ARPC5L: variants seen among roughly 807,000 people sequenced by gnomAD.
ARPC5L encodes actin related protein 2/3 complex subunit 5 like.
In ARPC5L, 4 loss-of-function variants were observed where a neutral mutation model predicts 16.9. That is an observed-to-expected ratio of 0.24 (90% CI 0.12 to 0.54). ARPC5L has a LOEUF of 0.54. Among genes scored for constraint, ARPC5L ranks in the 20% least tolerant of loss-of-function variants. The pLI, the probability that ARPC5L is intolerant of heterozygous loss-of-function variation, is 0.95. For synonymous variants in ARPC5L, 78 were observed against 82.6 expected, an observed-to-expected ratio of 0.94 and a Z score of 0.30; for missense variants, 151 against 201.9, an observed-to-expected ratio of 0.75 and a Z score of 1.53.
rs1034105199 is a variant in ARPC5L, at chr9:124,862,337, G to C, written c.-1045G>C. ...TGAGCTGGGCGCCAGTAGTCTGGGGGTGCTGACGGGAGGAGGGGCCAGAGT... is the reference window on the plus strand; with the variant it reads ...TGAGCTGGGCGCCAGTAGTCTGGGGCTGCTGACGGGAGGAGGGGCCAGAGT... On this transcript the variant is annotated 5_prime_UTR_variant, in exon 1 of 6. Coordinates refer to ENST00000353214, the MANE Select transcript of ARPC5L (RefSeq NM_030978.3). 1 of 174,440 alleles carries C rather than the reference G, an allele frequency of 5.7e-6. No homozygotes were observed. Among genetic ancestry groups the C allele is most frequent in the African/African-American group, 2.4e-5 (1 of 42,360 alleles). The allele number at this position is 174,440 out of a possible 1,614,324, so 10.8% of individuals were successfully genotyped here.
chr9:124,869,407 G>A lies in ARPC5L; in HGVS notation c.117G>A (p.Pro39=). The change falls in exon 3 of 6, where the codon CCG becomes CCA. Residue 39 remains proline, a synonymous_variant. Coordinates refer to ENST00000353214, the MANE Select transcript of ARPC5L (RefSeq NM_030978.3). The part of the protein sequence containing the change: ...EAAAAAAEPG[P]DPSEVDGLLR... Reference sequence around the variant, plus strand: ...CGGCGGCGGCGGCGGAGCCAGGCCCGGACCCGAGCGAGGTGGACGGGCTCC... The same window carrying A: ...CGGCGGCGGCGGCGGAGCCAGGCCCAGACCCGAGCGAGGTGGACGGGCTCC... 6.7e-7 allele frequency: 1 copy of A among 1,502,018 alleles called. No homozygotes were observed. Among genetic ancestry groups the A allele is most frequent in the Admixed American group, 2.2e-5 (1 of 45,314 alleles). The allele number at this position is 1,502,018 out of a possible 1,614,324, so 93.0% of individuals were successfully genotyped here.
chr9:124,874,942 C>T, intron 4 of ARPC5L, 33 bp from the exon 5 acceptor site: 1 of 1,612,430 alleles, frequency 6.2e-7, no homozygotes. Flanking sequence ...GCCTTCGCAG[C>T]TCTGGGACTC....
rs987362107 is a variant in ARPC5L, at chr9:124,864,121, T to C, written c.-864+14T>C. ...ACCCACACCAAGGTGAGGAAGGCTTTCAGGAGGTGGAGGGATATGGGGAAA... is the reference window on the plus strand; with the variant it reads ...ACCCACACCAAGGTGAGGAAGGCTTCCAGGAGGTGGAGGGATATGGGGAAA... On this transcript the variant is annotated intron_variant, in intron 2 of 5. Transcript: ENST00000353214. 3 of 152,074 alleles carry C rather than the reference T, an allele frequency of 2.0e-5. No homozygotes were observed. Among genetic ancestry groups the C allele is most frequent in the Admixed American group, 2.0e-4 (3 of 15,256 alleles). The allele number at this position is 152,074 out of a possible 1,614,324, so 9.4% of individuals were successfully genotyped here.
In ARPC5L at chr9:124,873,829, G is replaced by A. The variant is rs150389010; in HGVS notation, c.222+65G>A. The A allele has an allele frequency of 1.3e-4, 208 of 1,583,210 alleles. 1 individual carries two copies. The African/African-American group carries it at 2.5e-3, about 19-fold the overall frequency. On this transcript the variant is annotated intron_variant, in intron 4 of 5. Transcript: ENST00000353214. ...GACCAGGGCTGTGGGTGTCTGCCCAGTGCGAGTGTGAGCTTTCATCCACAT... is the reference window on the plus strand; with the variant it reads ...GACCAGGGCTGTGGGTGTCTGCCCAATGCGAGTGTGAGCTTTCATCCACAT...
At chr9:124,873,567 G>A (rs888173943) in intron 3 of ARPC5L, 125 bp from the exon 4 acceptor site, 29 of 1,079,886 alleles carry the variant, frequency 2.7e-5, no homozygotes, top group Admixed American at 9.6e-5. Flanking sequence ...CCTGGAAGCC[G>A]TGGAAGGTGG....
intron 3 of ARPC5L, among the ~76,000 whole-genome samples, chr9:124,872,080 CA>C (rs1267905136): frequency 6.6e-6 from 1 of 152,218 alleles, no homozygotes; most frequent in Non-Finnish European, 1.5e-5. Context: ...GGCCCTCACC[CA>C]TCAATGGGCC....
intron 1 of ARPC5L, among the ~76,000 whole-genome samples, chr9:124,862,688 C>T (rs537588076): frequency 4.4e-4 from 66 of 151,644 alleles, no homozygotes; most frequent in African/African-American, 1.6e-3. Flanking sequence ...CCACGCCTGG[C>T]TAATTTTTTG....
chr9:124,863,491 T>C (rs1288897729), intron 1 of ARPC5L, among the ~76,000 whole-genome samples: 1 of 152,214 alleles, frequency 6.6e-6, no homozygotes, highest in Non-Finnish European at 1.5e-5. Flanking sequence ...TTCAAATTCT[T>C]GCTCTGCTGC....
At chr9:124,867,640 A>C (rs1829289432) in intron 2 of ARPC5L, among the ~76,000 whole-genome samples, 2 of 152,030 alleles carry the variant, frequency 1.3e-5, no homozygotes, top group Non-Finnish European at 2.9e-5. Flanking sequence ...TTACTTGTAA[A>C]ATGGGCATTT....
intron 3 of ARPC5L, among the ~76,000 whole-genome samples, chr9:124,872,158 G>C (rs1025398785): frequency 2.2e-4 from 34 of 152,280 alleles, no homozygotes; most frequent in African/African-American, 8.2e-4. Flanking sequence ...CCGTGGACTA[G>C]TTTTATACCT....
At chr9:124,871,586 T>C (rs910502591) in intron 3 of ARPC5L, among the ~76,000 whole-genome samples, 1 of 152,094 alleles carries the variant, frequency 6.6e-6, no homozygotes, top group Non-Finnish European at 1.5e-5. Flanking sequence ...AATGAGATAA[T>C]GATTATTGTC....
In ARPC5L at chr9:124,873,643, C is replaced by T. The variant is rs201233931; in HGVS notation, c.150-49C>T. 1.0e-4 allele frequency: 168 copies of T among 1,600,404 alleles called. 1 individual carries two copies. The African/African-American group carries it at 1.9e-3, about 18-fold the overall frequency. ...GTTTCTGAAGTGAGCTTGTTCATGA[C>T]GGCATGGATGTGCTTGAGCCTAGCT... On this transcript the variant is annotated intron_variant, in intron 3 of 5. Coordinates refer to ENST00000353214, the MANE Select transcript of ARPC5L (RefSeq NM_030978.3).
In ARPC5L at chr9:124,862,848, A is replaced by T. The variant is rs7048778; in HGVS notation, c.-984+450A>T. ...GCCCCAGCCTTTATTTATTTTTTTT[A>T]TTTTTTAATTTTTTTTTTCAGACAG... On this transcript the variant is annotated intron_variant, in intron 1 of 5. Coordinates refer to ENST00000353214, the MANE Select transcript of ARPC5L (RefSeq NM_030978.3). Among the ~76,000 whole-genome samples, 6 of 141,820 alleles carry T rather than the reference A, an allele frequency of 4.2e-5. No individual in the cohort carries two copies. The East Asian group carries it at 1.3e-3, about 30-fold the overall frequency. 93.0% of individuals were successfully genotyped at this position (141,820 alleles called of 152,430 possible).
At chr9:124,872,741 A>G (rs1021839677) in intron 3 of ARPC5L, 4 of 152,296 alleles carry the variant, frequency 2.6e-5, no homozygotes, top group African/African-American at 9.6e-5. Context: ...AGAGCCAAGC[A>G]GGGAGCTGGG....
chr9:124,864,923 T>C (rs936963373), intron 2 of ARPC5L, among the ~76,000 whole-genome samples: 1 of 151,966 alleles, frequency 6.6e-6, no homozygotes, highest in Admixed American at 6.6e-5. Context: ...TTCTTCTGCC[T>C]CAGCCTCCCA....
At chr9:124,871,183 G>T (rs1024236110) in intron 3 of ARPC5L, among the ~76,000 whole-genome samples, 3 of 152,160 alleles carry the variant, frequency 2.0e-5, no homozygotes, top group African/African-American at 7.2e-5. Flanking sequence ...GCAGAGAGGG[G>T]CCCTGTCCTG....
At position 124,869,116 on chromosome 9, in the gene ARPC5L, T is replaced by C; in HGVS notation, c.-175T>C. Reference sequence around the variant, plus strand: ...CCCCGCCCCTGACGGCGCTTCCGGATCCGGCGGGTGCCGGAAGTGGGCGGG... The same window carrying C: ...CCCCGCCCCTGACGGCGCTTCCGGACCCGGCGGGTGCCGGAAGTGGGCGGG... On this transcript the variant is annotated 5_prime_UTR_variant, in exon 3 of 6. Coordinates refer to ENST00000353214, the MANE Select transcript of ARPC5L (RefSeq NM_030978.3). 2.7e-6 allele frequency: 2 copies of C among 735,002 alleles called. No homozygotes were observed. Among genetic ancestry groups the C allele is most frequent in the Non-Finnish European group, 3.8e-6 (2 of 528,848 alleles). 45.5% of individuals were successfully genotyped at this position (735,002 alleles called of 1,614,324 possible). A position where few individuals can be genotyped will look rare whatever the true frequency, so the allele number is the denominator to read the frequency against.
chr9:124,869,311 C>G lies in ARPC5L; in HGVS notation c.21C>G (p.Ser7=). Residue 7 remains serine, a synonymous_variant, in exon 3 of 6, where the codon TCC becomes TCG. Transcript: ENST00000353214. The part of the protein sequence containing the change: MARNTL[S]SRFRRVDIDE... ...CCGCCATGGCCCGGAACACGCTGTC[C>G]TCGCGCTTCCGCCGGGTGGACATCG... 4 of 1,531,234 alleles carry G rather than the reference C, an allele frequency of 2.6e-6. No individual in the cohort carries two copies. Among genetic ancestry groups the G allele is most frequent in the Non-Finnish European group, 3.5e-6 (4 of 1,139,116 alleles). 94.9% of individuals were successfully genotyped at this position (1,531,234 alleles called of 1,614,324 possible).
At chr9:124,873,515 C>T in intron 3 of ARPC5L, 177 bp from the exon 4 acceptor site, 1 of 658,226 alleles carries the variant, frequency 1.5e-6, no homozygotes. Context: ...GGCAGAGGTG[C>T]CCTGCAGCCT....
Sources: allele counts gnomAD v4.1 joint callset (sites outside exome capture counted in the v4.1 genomes callset), GRCh38; gene constraint gnomAD v4.1.1; transcripts MANE v1.5; gene names NCBI Gene and HGNC (gene_info 2026-07-23, HGNC 2026-07-21).